Variants in DLGAP2 observed in about 807,000 individuals in gnomAD.
The protein encoded by DLGAP2 is disks large-associated protein 2.
A neutral mutation model predicts 100.3 loss-of-function variants in DLGAP2; 26 were observed. That is an observed-to-expected ratio of 0.26 (90% CI 0.19 to 0.36). DLGAP2 has a LOEUF of 0.36. Ranked by LOEUF, DLGAP2 falls within the 10% of genes least tolerant of loss-of-function variation. The pLI is 1.00. For synonymous variants in DLGAP2, 886 were observed against 630.1 expected (o/e 1.41, Z -6.08); for missense variants, 1,858 against 1,453.2 (o/e 1.28, Z -4.53).
chr8:884,507 G>A (rs1276114511), intron 1 of DLGAP2, among the ~76,000 whole-genome samples: 2 of 151,594 alleles, frequency 1.3e-5, no homozygotes, highest in African/African-American at 4.8e-5. Context: ...AATAGTTTAA[G>A]TTCCTTGTAA....
intron 2 of DLGAP2, among the ~76,000 whole-genome samples, chr8:1,223,621 C>T (rs1798359980): frequency 6.6e-6 from 1 of 152,198 alleles, no homozygotes; most frequent in African/African-American, 2.4e-5. Flanking sequence ...GTGCCTTAAA[C>T]ACTAGAGACA....
intron 1 of DLGAP2, among the ~76,000 whole-genome samples, chr8:884,882 A>G (rs1797891336): frequency 6.6e-6 from 1 of 152,158 alleles, no homozygotes; most frequent in African/African-American, 2.4e-5. Context: ...ATTTTACTGA[A>G]TAGGAGATCC....
chr8:1,199,213 A>G (rs1436759112), intron 2 of DLGAP2, among the ~76,000 whole-genome samples: 1 of 152,234 alleles, frequency 6.6e-6, no homozygotes, highest in African/African-American at 2.4e-5. Context: ...AGATTTTAAT[A>G]TCTTCACTCA....
At chr8:999,718 A>G (rs544768050) in intron 2 of DLGAP2, among the ~76,000 whole-genome samples, 1 of 152,188 alleles carries the variant, frequency 6.6e-6, no homozygotes, top group African/African-American at 2.4e-5. Context: ...TGACCTCGTG[A>G]TCCACCTGCC....
chr8:1,237,127 A>G (rs1394367086), intron 2 of DLGAP2, among the ~76,000 whole-genome samples: 4 of 21,776 alleles, frequency 1.8e-4, no homozygotes, highest in Admixed American at 4.6e-4. Context: ...TCTGTCTCAC[A>G]TGGGGCCGTG....
rs1797719303 is a variant in DLGAP2 at position 1,634,326 on chromosome 8, G to A, written c.1810+1280G>A. The stretch of plus-strand genomic sequence containing the variant: ...TGGCACCACTGAGCCGGGGGCTTCG[G>A]GAGAAAGGCAACAGATCCTGGCTCT... On this transcript the variant is annotated intron_variant, in intron 8 of 14. Transcript: ENST00000637795. Among the ~76,000 whole-genome samples, 3 of 152,292 alleles carry A rather than the reference G, an allele frequency of 2.0e-5. No individual in the cohort carries two copies. The South Asian group carries it at 6.2e-4, about 32-fold the overall frequency.
At chr8:1,614,268 T>C (rs571845554) in intron 6 of DLGAP2, among the ~76,000 whole-genome samples, 1 of 152,308 alleles carries the variant, frequency 6.6e-6, no homozygotes, top group South Asian at 2.1e-4. Context: ...TCCTGAGCAT[T>C]TGCAGTCAGG....
chr8:917,996 G>A (rs1798631716), intron 2 of DLGAP2, among the ~76,000 whole-genome samples: 1 of 152,192 alleles, frequency 6.6e-6, no homozygotes, highest in Non-Finnish European at 1.5e-5. Context: ...AGAGTGCAGA[G>A]ACAAATTATT....
intron 8 of DLGAP2, among the ~76,000 whole-genome samples, chr8:1,659,447 A>G (rs1428967800): frequency 6.6e-6 from 1 of 152,154 alleles, no homozygotes; most frequent in Non-Finnish European, 1.5e-5. Context: ...TGGGATGTTA[A>G]AGTCTCCCAC....
chr8:849,573 G>A (rs573840331), intron 1 of DLGAP2, among the ~76,000 whole-genome samples: 1 of 152,258 alleles, frequency 6.6e-6, no homozygotes, highest in Non-Finnish European at 1.5e-5. Flanking sequence ...TACCAGCCTT[G>A]CCCGAAGGTT....
chr8:1,184,641 G>A (rs529994129), intron 2 of DLGAP2, among the ~76,000 whole-genome samples: 97 of 152,316 alleles, frequency 6.4e-4, no homozygotes, highest in African/African-American at 2.2e-3. Flanking sequence ...GTGCAAGGTC[G>A]TTTTCAGCAG....
At chr8:1,198,519 C>G (rs1014868962) in intron 2 of DLGAP2, among the ~76,000 whole-genome samples, 1 of 151,978 alleles carries the variant, frequency 6.6e-6, no homozygotes, top group African/African-American at 2.4e-5. Context: ...CCCCAGAGCT[C>G]GGGGGAAGGG....
chr8:901,397 G>A (rs1798248012), intron 1 of DLGAP2, among the ~76,000 whole-genome samples: 1 of 152,222 alleles, frequency 6.6e-6, no homozygotes. Flanking sequence ...GTTAACAGGT[G>A]AATCTCTTTA....
chr8:1,565,644 G>T, intron 5 of DLGAP2, 39 bp from the exon 6 acceptor site: 1 of 1,554,060 alleles, frequency 6.4e-7, no homozygotes, highest in Non-Finnish European at 8.8e-7. Flanking sequence ...CGTTCTCAGT[G>T]ACAAAGTTGA....
At chr8:1,590,336 A>G (rs1355314765) in intron 6 of DLGAP2, among the ~76,000 whole-genome samples, 1 of 152,200 alleles carries the variant, frequency 6.6e-6, no homozygotes, top group Non-Finnish European at 1.5e-5. Context: ...ATAATGAAGT[A>G]TGCATAAAAT....
intron 8 of DLGAP2, among the ~76,000 whole-genome samples, chr8:1,636,292 G>A (rs1295663680): frequency 6.6e-6 from 1 of 152,114 alleles, no homozygotes; most frequent in Non-Finnish European, 1.5e-5. Context: ...TGATACAACT[G>A]ATTCTAGAAG....
At chr8:1,684,971 C>G (rs191749758) in intron 12 of DLGAP2, among the ~76,000 whole-genome samples, 3 of 152,086 alleles carry the variant, frequency 2.0e-5, no homozygotes, top group African/African-American at 7.3e-5. Flanking sequence ...ACATGTTCAC[C>G]GGGTCAGATG....
intron 2 of DLGAP2, among the ~76,000 whole-genome samples, chr8:1,007,028 C>T (rs532584731): frequency 2.3e-4 from 35 of 152,150 alleles, no homozygotes; most frequent in African/African-American, 8.2e-4. Context: ...TCTGAAGTCT[C>T]GGGATGTGGT....
At chr8:1,421,263 C>T (rs1020575034) in intron 3 of DLGAP2, among the ~76,000 whole-genome samples, 8 of 152,308 alleles carry the variant, frequency 5.3e-5, no homozygotes, top group African/African-American at 1.9e-4. Context: ...ACAGCCTGTC[C>T]TTTGCTCTTC....
Sources: gnomAD v4.1 joint callset for allele counts (sites outside exome capture counted in the v4.1 genomes callset) on GRCh38, gnomAD v4.1.1 for gene constraint, MANE v1.5 for transcripts, NCBI Gene and HGNC (gene_info 2026-07-23, HGNC 2026-07-21) for gene names.